KCNIP1: variants seen among roughly 807,000 people sequenced by gnomAD.
KCNIP1 encodes the protein potassium voltage-gated channel interacting protein 1.
KCNIP1 carries 18 observed loss-of-function variants against 33.0 expected under a neutral mutation model. The observed-to-expected ratio is 0.55, with a 90% CI of 0.38 to 0.81. KCNIP1 has a LOEUF of 0.81. Ranked by LOEUF, KCNIP1 falls within the 30% of genes least tolerant of loss-of-function variation. The pLI, the probability that KCNIP1 is intolerant of heterozygous loss-of-function variation, is 0.00. For missense variants in KCNIP1, 238 were observed against 271.6 expected, an observed-to-expected ratio of 0.88 and a Z score of 0.87; for synonymous variants, 93 against 98.3, an observed-to-expected ratio of 0.95 and a Z score of 0.32.
At chr5:170,465,983 T>G (rs561565787) in intron 1 of KCNIP1, among the ~76,000 whole-genome samples, 1 of 152,258 alleles carries the variant, frequency 6.6e-6, no homozygotes, top group Admixed American at 6.5e-5. Context: ...GAATGTGGTT[T>G]GGAAGACAAG....
At chr5:170,542,487 T>C (rs902354588) in intron 1 of KCNIP1, among the ~76,000 whole-genome samples, 2 of 152,156 alleles carry the variant, frequency 1.3e-5, no homozygotes, top group Non-Finnish European at 2.9e-5. Flanking sequence ...GACTCAACCC[T>C]GCATGGAAAA....
chr5:170,719,016 G>A (rs763967497), intron 2 of KCNIP1, 134 bp downstream of exon 2: 3 of 1,152,014 alleles, frequency 2.6e-6, no homozygotes, highest in South Asian at 1.6e-5. Context: ...TATAAAGGGG[G>A]CATGAGAGGG....
At chr5:170,442,822 G>T (rs1324889837) in intron 1 of KCNIP1, among the ~76,000 whole-genome samples, 1 of 152,194 alleles carries the variant, frequency 6.6e-6, no homozygotes, top group Non-Finnish European at 1.5e-5. Context: ...GCAGGAACTC[G>T]ATCTATTAGA....
intron 1 of KCNIP1, among the ~76,000 whole-genome samples, chr5:170,364,521 TA>T (rs1292716235): frequency 6.6e-6 from 1 of 152,242 alleles, no homozygotes; most frequent in Non-Finnish European, 1.5e-5. Context: ...CATTTAGAAT[TA>T]AATGCAGACT....
At chr5:170,393,404 G>T (rs763026562) in intron 1 of KCNIP1, among the ~76,000 whole-genome samples, 6 of 152,208 alleles carry the variant, frequency 3.9e-5, no homozygotes, top group Non-Finnish European at 7.3e-5. Context: ...CTGCAGGGAT[G>T]GGTGTTAGTC....
chr5:170,635,953 A>G (rs994767039), intron 1 of KCNIP1, among the ~76,000 whole-genome samples: 2 of 152,198 alleles, frequency 1.3e-5, no homozygotes, highest in African/African-American at 4.8e-5. Flanking sequence ...GTATATTTTG[A>G]AGGTCAAGCC....
chr5:170,628,214 G>A (rs567321532), intron 1 of KCNIP1, among the ~76,000 whole-genome samples: 19 of 152,212 alleles, frequency 1.2e-4, no homozygotes, highest in East Asian at 1.9e-4. Context: ...AACCACAGCC[G>A]GTAGCCAGCT....
chr5:170,665,700 A>G (rs919788246), intron 1 of KCNIP1, among the ~76,000 whole-genome samples: 1 of 152,070 alleles, frequency 6.6e-6, no homozygotes. Flanking sequence ...AGGATCCCAC[A>G]TTCCATTTCG....
At position 170,641,822 on chromosome 5, in the gene KCNIP1, G is replaced by A. The variant is rs145736971; in HGVS notation, c.62-76936G>A. Among the ~76,000 whole-genome samples, 110 of 152,316 alleles carry A rather than the reference G, an allele frequency of 7.2e-4. No homozygotes were observed. In the Middle Eastern group the frequency reaches 0.01, roughly 14 times the overall value. On this transcript the variant is annotated intron_variant, in intron 1 of 7. Coordinates refer to ENST00000328939, the MANE Select transcript of KCNIP1 (RefSeq NM_014592.4). ...CAGCTTCGAATGGCTGAGACCTACT[G>A]GCATGGGATGGAGGAGTGCAGGGAG...
rs993636793 is a variant in KCNIP1 at position 170,358,258 on chromosome 5, T to G, written c.88+4294T>G. 2.6e-5 allele frequency among the ~76,000 whole-genome samples: 4 copies of G among 152,204 alleles called. No homozygotes were observed. The South Asian group carries it at 6.2e-4, about 24-fold the overall frequency. ...CTTCTAGTGTCCTCCAGGCCACCCA[T>G]GAGGCTGCGGGGGTGGGGAAAAGGG... is the stretch of plus-strand genomic sequence containing the variant. On this transcript the variant is annotated intron_variant, in intron 1 of 7. Coordinates refer to the KCNIP1 transcript ENST00000377360.
At chr5:170,727,298 A>G (rs1156404938) in intron 5 of KCNIP1, among the ~76,000 whole-genome samples, 1 of 152,234 alleles carries the variant, frequency 6.6e-6, no homozygotes, top group Non-Finnish European at 1.5e-5. Context: ...GCCTGGTGTC[A>G]AAGCTTGAGA....
At position 170,475,024 on chromosome 5, in the gene KCNIP1, C is replaced by A. The variant is rs1003727185; in HGVS notation, c.88+121060C>A. On this transcript the variant is annotated intron_variant, in intron 1 of 7. Coordinates refer to the KCNIP1 transcript ENST00000377360. ...GCCAATTGGTCCATTTTACAAAGTG[C>A]TGATTGGTCCACTTTACAGAGTGCT... 3.3e-5 allele frequency among the ~76,000 whole-genome samples: 5 copies of A among 152,294 alleles called. No individual in the cohort carries two copies. The East Asian group carries it at 9.7e-4, about 29-fold the overall frequency.
intron 1 of KCNIP1, among the ~76,000 whole-genome samples, chr5:170,456,240 A>T (rs1191417251): frequency 6.6e-6 from 1 of 152,148 alleles, no homozygotes; most frequent in East Asian, 1.9e-4. Context: ...ATTCTCACTC[A>T]TAAGTGGGAG....
intron 1 of KCNIP1, among the ~76,000 whole-genome samples, chr5:170,707,148 A>T (rs1763282164): frequency 7.5e-6 from 1 of 133,682 alleles, no homozygotes; most frequent in South Asian, 3.0e-4. Flanking sequence ...GAACTACCTA[A>T]GTAAATCATC....
chr5:170,615,365 C>T (rs8180418), intron 1 of KCNIP1, among the ~76,000 whole-genome samples: 33,075 of 152,172 alleles, frequency 0.22, 4,201 homozygotes, highest in East Asian at 0.39. Context: ...TCATTAAGAC[C>T]GTGGCTCCTT....
At chr5:170,374,794 C>A (rs1763942960) in intron 1 of KCNIP1, 1 of 152,178 alleles carries the variant, frequency 6.6e-6, no homozygotes, top group Non-Finnish European at 1.5e-5. Context: ...TTATTTCATG[C>A]TTATCCCGTG....
chr5:170,361,962 T>C (rs1327755703), intron 1 of KCNIP1, among the ~76,000 whole-genome samples: 2 of 152,196 alleles, frequency 1.3e-5, no homozygotes, highest in African/African-American at 4.8e-5. Context: ...ATGGCTTTTT[T>C]TTCTGGGCTT....
chr5:170,367,995 A>G (rs1231797910), intron 1 of KCNIP1, among the ~76,000 whole-genome samples: 3 of 152,258 alleles, frequency 2.0e-5, no homozygotes, highest in Non-Finnish European at 4.4e-5. Flanking sequence ...AAAATTGTGT[A>G]TTAAATAAAT....
intron 1 of KCNIP1, among the ~76,000 whole-genome samples, chr5:170,676,192 GAA>G (rs1762136663): frequency 1.5e-5 from 1 of 67,824 alleles, no homozygotes; most frequent in Non-Finnish European, 3.0e-5. Context: ...GAAAGGAAAG[GAA>G]AGGAAAGGAA....
Sources: allele counts gnomAD v4.1 joint callset (sites outside exome capture counted in the v4.1 genomes callset), GRCh38; gene constraint gnomAD v4.1.1; transcripts MANE v1.5; gene names NCBI Gene and HGNC (gene_info 2026-07-23, HGNC 2026-07-21).